ADGRV1: variants seen among roughly 807,000 people sequenced by gnomAD.
ADGRV1 encodes the protein G-protein coupled receptor 98.
In ADGRV1, 359 loss-of-function variants were observed where a neutral mutation model predicts 596.2. That is an observed-to-expected ratio of 0.60 (90% CI 0.55 to 0.66). The LOEUF (loss-of-function observed/expected upper bound fraction) is 0.66, where lower values mean the gene tolerates loss of function less well. Among genes scored for constraint, ADGRV1 ranks in the 30% least tolerant of loss-of-function variants. The pLI, the probability that ADGRV1 is intolerant of heterozygous loss-of-function variation, is 0.00. For synonymous variants in ADGRV1, 2,681 were observed against 2,679.2 expected, an observed-to-expected ratio of 1.00 and a Z score of -0.02; for missense variants, 7,274 against 7,575.6, an observed-to-expected ratio of 0.96 and a Z score of 1.48.
Position 90,625,218 on chromosome 5 carries a change from A to G in ADGRV1, c.647A>G (p.Tyr216Cys). The change falls in exon 6 of 90, where the codon TAT (tyrosine) becomes TGT (cysteine). Residue 216 changes from tyrosine to cysteine, a missense_variant. Tyr to Cys is a radical substitution (Grantham distance 194). This residue lies in a region of ADGRV1 where 1,715 missense variants were observed against 1,708.8 expected (regional missense o/e 1.00). Coordinates refer to ENST00000405460, the MANE Select transcript of ADGRV1 (RefSeq NM_032119.4). ...TFPPGRATVI[Y>C]NLTVLDDEVP... Reference sequence around the variant, plus strand: ...CCCCCTGGCAGAGCAACAGTAATTTATAACTTGACAGTACTCGATGACGAG... The same window carrying G: ...CCCCCTGGCAGAGCAACAGTAATTTGTAACTTGACAGTACTCGATGACGAG... The G allele has an allele frequency of 1.9e-6, 3 of 1,612,404 alleles. No individual in the cohort carries two copies. The highest frequency in any genetic ancestry group is 2.5e-6 in the Non-Finnish European group (3 of 1,178,620).
chr5:91,025,008 G>T (rs893138107), intron 85 of ADGRV1, among the ~76,000 whole-genome samples: 1 of 152,114 alleles, frequency 6.6e-6, no homozygotes, highest in Non-Finnish European at 1.5e-5. Context: ...GCAGCTTTTT[G>T]AGCTCTCTTT....
intron 83 of ADGRV1, among the ~76,000 whole-genome samples, chr5:90,935,860 C>T (rs1341419759): frequency 6.6e-6 from 1 of 152,148 alleles, no homozygotes; most frequent in African/African-American, 2.4e-5. Flanking sequence ...CACCTGTTGT[C>T]CCAGCTACCC....
At chr5:90,681,756 A>G (rs897396646) in intron 27 of ADGRV1, among the ~76,000 whole-genome samples, 6 of 152,170 alleles carry the variant, frequency 3.9e-5, no homozygotes, top group African/African-American at 1.4e-4. Flanking sequence ...AGGCTGTGGT[A>G]ACAAACATCT....
intron 47 of ADGRV1, 143 bp from the exon 48 acceptor site, chr5:90,725,406 A>G: frequency 1.5e-6 from 1 of 688,752 alleles, no homozygotes; most frequent in Non-Finnish European, 2.4e-6. Flanking sequence ...TTGTCTTTTT[A>G]AAATGACACT....
At chr5:90,692,049 A>G (rs956719675) in intron 31 of ADGRV1, among the ~76,000 whole-genome samples, 1 of 152,182 alleles carries the variant, frequency 6.6e-6, no homozygotes, top group East Asian at 1.9e-4. Context: ...ACAAGTTCAT[A>G]AAATTTATTT....
intron 87 of ADGRV1, among the ~76,000 whole-genome samples, chr5:91,120,845 G>A (rs1238608898): frequency 2.0e-5 from 3 of 152,154 alleles, no homozygotes; most frequent in African/African-American, 7.2e-5. Flanking sequence ...GTACAGAAGG[G>A]AATGAGATGC....
intron 83 of ADGRV1, among the ~76,000 whole-genome samples, chr5:90,895,488 A>C (rs1771227191): frequency 6.6e-6 from 1 of 152,230 alleles, no homozygotes; most frequent in Non-Finnish European, 1.5e-5. Context: ...AAAGCTTGGC[A>C]TGCTTGAGCA....
intron 87 of ADGRV1, among the ~76,000 whole-genome samples, chr5:91,138,101 C>G (rs1794791637): frequency 6.6e-6 from 1 of 152,102 alleles, no homozygotes; most frequent in Admixed American, 6.5e-5. Context: ...GAATCCCACT[C>G]AAACCAGGAC....
intron 69 of ADGRV1, among the ~76,000 whole-genome samples, 193 bp from the exon 70 acceptor site, chr5:90,790,680 C>T (rs995941358): frequency 6.6e-6 from 1 of 152,100 alleles, no homozygotes; most frequent in Non-Finnish European, 1.5e-5. Context: ...TAATCTTATC[C>T]TGCAAATAGC....
Position 90,662,701 on chromosome 5 carries a change from T to G in ADGRV1, c.4752+4423T>G, listed in dbSNP as rs1484361530. Among the ~76,000 whole-genome samples the G allele has an allele frequency of 9.2e-5, 14 of 152,100 alleles. No homozygotes were observed. The East Asian group carries it at 2.5e-3, about 27-fold the overall frequency. On this transcript the variant is annotated intron_variant, in intron 21 of 89. Transcript: ENST00000405460. ...ATGTATACGTGTGCCATGCTGGTGC[T>G]CTGCACCCACTAACTCGTCATCTAG...
chr5:90,711,070 G>A lies in ADGRV1; in HGVS notation c.8903+11G>A, dbSNP rs540018745. 13 of 1,599,642 alleles carry A rather than the reference G, an allele frequency of 8.1e-6. No individual in the cohort carries two copies. In the Middle Eastern group the frequency reaches 6.7e-4, roughly 82 times the overall value. On this transcript the variant is annotated intron_variant, in intron 40 of 89. Transcript: ENST00000405460. ...ATGGCAACAAAGCAGGTAAGGCCAAGGCTGCATGAGAGCCCTCTTCTGGGT... is the reference window on the plus strand; with the variant it reads ...ATGGCAACAAAGCAGGTAAGGCCAAAGCTGCATGAGAGCCCTCTTCTGGGT...
In ADGRV1 at chr5:90,654,096, G is replaced by A. The variant is rs146433211; in HGVS notation, c.4378+144G>A. 8.4e-6 allele frequency: 7 copies of A among 836,152 alleles called. No homozygotes were observed. The Middle Eastern group carries it at 1.1e-3, about 126-fold the overall frequency. The allele number at this position is 836,152 out of a possible 1,614,324, so 51.8% of individuals were successfully genotyped here. A position where few individuals can be genotyped will look rare whatever the true frequency, so the allele number is the denominator to read the frequency against. On this transcript the variant is annotated intron_variant, in intron 20 of 89. Coordinates refer to ENST00000405460, the MANE Select transcript of ADGRV1 (RefSeq NM_032119.4). ...TTAATTTCTTTAATCAAAACTATGT[G>A]CCTACCAAGATAATGAGAAATTCTG...
intron 50 of ADGRV1, among the ~76,000 whole-genome samples, chr5:90,738,597 T>C (rs952812615): frequency 1.3e-5 from 2 of 152,126 alleles, no homozygotes; most frequent in Non-Finnish European, 2.9e-5. Context: ...GGTAGAAGTT[T>C]TTTTCCCCTT....
At chr5:91,149,440 A>T (rs1210839489) in intron 87 of ADGRV1, among the ~76,000 whole-genome samples, 1 of 152,142 alleles carries the variant, frequency 6.6e-6, no homozygotes, top group African/African-American at 2.4e-5. Context: ...TTCTCCTGCC[A>T]CCCTGTGAAG....
chr5:90,647,958 C>A lies in ADGRV1; in HGVS notation c.3289+194C>A, dbSNP rs117543622. Reference sequence around the variant, plus strand: ...GTTGAACCTTTATGTACTTGTTGAACCTTTATGACATCCTTTTTAACCTTT... The same window carrying A: ...GTTGAACCTTTATGTACTTGTTGAAACTTTATGACATCCTTTTTAACCTTT... On this transcript the variant is annotated intron_variant, in intron 17 of 89. Coordinates refer to ENST00000405460, the MANE Select transcript of ADGRV1 (RefSeq NM_032119.4). 1 allele frequency among the ~76,000 whole-genome samples: 151,929 copies of A among 152,314 alleles called. 75,772 individuals carry two copies. Among genetic ancestry groups the A allele is most frequent in the Middle Eastern group, 1 (294 of 294 alleles).
At chr5:90,585,322 T>C (rs1186600533) in intron 1 of ADGRV1, among the ~76,000 whole-genome samples, 3 of 152,224 alleles carry the variant, frequency 2.0e-5, no homozygotes, top group Non-Finnish European at 4.4e-5. Flanking sequence ...GTGCATCCCC[T>C]GTCCCTCTGC....
chr5:91,152,966 A>G (rs1796181212), intron 88 of ADGRV1, among the ~76,000 whole-genome samples: 1 of 152,112 alleles, frequency 6.6e-6, no homozygotes, highest in Non-Finnish European at 1.5e-5. Flanking sequence ...ACCCATAATC[A>G]CGGCACTTTG....
At chr5:90,647,350 A>G (rs538893642) in intron 16 of ADGRV1, 148 bp from the exon 17 acceptor site, 150 of 632,464 alleles carry the variant, frequency 2.4e-4, no homozygotes, top group Non-Finnish European at 3.6e-4. Context: ...GAGGGTAGTC[A>G]TGTCAGAGTT....
chr5:90,764,336 T>C (rs1756850527), intron 59 of ADGRV1, among the ~76,000 whole-genome samples: 1 of 152,222 alleles, frequency 6.6e-6, no homozygotes, highest in African/African-American at 2.4e-5. Flanking sequence ...ACACTGCTGC[T>C]CTGTCTAAAG....
Sources: gnomAD v4.1 joint callset for allele counts (sites outside exome capture counted in the v4.1 genomes callset) on GRCh38, gnomAD v4.1.1 for gene constraint, gnomAD v4.1.1 regional missense constraint, MANE v1.5 for transcripts, NCBI Gene and HGNC (gene_info 2026-07-23, HGNC 2026-07-21) for gene names.